Variants in DNAH3 observed in about 807,000 individuals in gnomAD.
The protein encoded by DNAH3 is axonemal beta dynein heavy chain 3.
Under a neutral mutation model 432.5 loss-of-function variants are expected in DNAH3, and 332 were observed. The ratio of observed to expected loss-of-function variants is 0.77; its 90% confidence interval spans 0.70 to 0.84. DNAH3 has a LOEUF of 0.84. Ranked by LOEUF, DNAH3 falls within the 40% of genes least tolerant of loss-of-function variation. DNAH3 has a pLI of 0.00. For missense variants in DNAH3, 4,861 were observed against 5,114.0 expected (o/e 0.95, Z 1.51); for synonymous variants, 1,956 against 1,900.2 (o/e 1.03, Z -0.76).
At chr16:21,012,023 G>A (rs2087626536) in intron 41 of DNAH3, among the ~76,000 whole-genome samples, 2 of 152,254 alleles carry the variant, frequency 1.3e-5, no homozygotes, top group South Asian at 4.2e-4. Flanking sequence ...TTAAGTGTTG[G>A]AGCCAGGATC....
At chr16:21,138,000 C>A (rs986304774) in intron 5 of DNAH3, among the ~76,000 whole-genome samples, 19 of 151,960 alleles carry the variant, frequency 1.3e-4, no homozygotes, top group African/African-American at 4.3e-4. Flanking sequence ...GTAATCCCAG[C>A]ACTTTGGGAG....
At chr16:20,955,012 A>T (rs1257198294) in exon 55 of DNAH3, 1 of 1,613,306 alleles carries the variant, frequency 6.2e-7, no homozygotes, top group Non-Finnish European at 8.5e-7. Context: ...CATTCTGGAG[A>T]ATGCTGACTG....
At chr16:21,120,764 G>C (rs201650659) in exon 11 of DNAH3, 2 of 1,613,986 alleles carry the variant, frequency 1.2e-6, no homozygotes, top group East Asian at 2.2e-5. Context: ...GCAGCCGCGT[G>C]CATGCTGGGC....
At chr16:21,109,122 C>CA (rs201303338) in intron 14 of DNAH3, among the ~76,000 whole-genome samples, 1,945 of 61,788 alleles carry the variant, frequency 0.031, 46 homozygotes, top group African/African-American at 0.078. Flanking sequence ...GACTCTGTCT[C>CA]AAAAAAAAAA....
exon 42 of DNAH3, chr16:21,003,114 G>T: frequency 1.2e-6 from 2 of 1,606,656 alleles, no homozygotes; most frequent in Non-Finnish European, 1.7e-6. Context: ...CTTTGCACCA[G>T]CTGGAACTTT....
At chr16:20,935,757 CGCTTGAA>C (rs1456626297) in intron 60 of DNAH3, among the ~76,000 whole-genome samples, 2 of 151,338 alleles carry the variant, frequency 1.3e-5, no homozygotes, top group East Asian at 3.9e-4. Context: ...GCAGGAGAAT[CGCTTGAA>C]CCCAGGAGGC....
At chr16:20,988,954 C>T (rs1012129440) in intron 44 of DNAH3, among the ~76,000 whole-genome samples, 1 of 152,120 alleles carries the variant, frequency 6.6e-6, no homozygotes, top group African/African-American at 2.4e-5. Flanking sequence ...CCGGTGGACT[C>T]GTGGTCTCGC....
At chr16:21,068,325 T>TGGGGGGG (rs10547729) in intron 23 of DNAH3, among the ~76,000 whole-genome samples, 5 of 76,634 alleles carry the variant, frequency 6.5e-5, no homozygotes, top group African/African-American at 9.1e-5. Flanking sequence ...TTTTTTTGGG[T>TGGGGGGG]GGGGGGGGGG....
At chr16:20,997,245 A>G (rs751393147) in intron 44 of DNAH3, 38 bp downstream of exon 44, 2 of 1,599,774 alleles carry the variant, frequency 1.3e-6, no homozygotes, top group South Asian at 2.3e-5. Context: ...TCTGCTGGGG[A>G]TGGAGGGAAA....
In DNAH3 at chr16:20,982,950, G is replaced by A. The variant is rs201072673; in HGVS notation, c.7666-36C>T. 1.4e-4 allele frequency: 225 copies of A among 1,590,030 alleles called. 2 individuals are homozygous for A. In the East Asian group the frequency reaches 2.2e-3, roughly 15 times the overall value. On this transcript the variant is annotated intron_variant, in intron 48 of 61. Transcript: ENST00000261383. ...GGCAGGTGGACCCAAGGAGGCAGGC[G>A]GGTATTCCCAAGGATTCTGGTGGGG...
rs746355174 is a variant in DNAH3 at position 21,027,125 on chromosome 16, C to G, written c.5442G>C (p.Leu1814=). The stretch of plus-strand genomic sequence containing the variant: ...GGATAATTTCCCCACTCATGAGACA[C>G]AGCTAAAAGTGCAAAGCAGAGGGTA... The change falls in exon 38 of 62, where the codon CTG becomes CTC. Residue 1814 remains leucine, a splice_region_variant and synonymous_variant. Transcript: ENST00000261383. 3 of 1,612,488 alleles carry G rather than the reference C, an allele frequency of 1.9e-6. No individual in the cohort carries two copies. In the Admixed American group the frequency reaches 5.0e-5, roughly 27 times the overall value.
Position 21,051,761 on chromosome 16 carries a change from G to A in DNAH3, c.4147C>T (p.Gln1383Ter). Residue 1383 changes from glutamine (Q) to a stop codon, truncating the protein, a stop_gained, in exon 29 of 62, where the codon CAG becomes TAG. Transcript: ENST00000261383. LOFTEE classifies it high-confidence loss of function. Reference sequence around the variant, plus strand: ...TACAAGGCTTCTGTGGTGATAATCTGCACCTGCACATCCTTGGCCACCCAG... The same window carrying A: ...TACAAGGCTTCTGTGGTGATAATCTACACCTGCACATCCTTGGCCACCCAG... 6.2e-7 allele frequency: 1 copy of A among 1,614,102 alleles called. No individual in the cohort carries two copies. The highest frequency in any genetic ancestry group is 1.1e-5 in the South Asian group (1 of 91,080).
intron 8 of DNAH3, among the ~76,000 whole-genome samples, chr16:21,127,251 A>G (rs1354570457): frequency 2.0e-5 from 3 of 151,896 alleles, no homozygotes; most frequent in Non-Finnish European, 4.4e-5. Context: ...GCAGCTGGAC[A>G]TGAAAAAAAG....
At chr16:21,127,150 CGAG>C (rs1188567518) in intron 8 of DNAH3, among the ~76,000 whole-genome samples, 2 of 151,650 alleles carry the variant, frequency 1.3e-5, no homozygotes, top group Non-Finnish European at 2.9e-5. Context: ...CTAAAGGATT[CGAG>C]GAGGAGGAAA....
intron 19 of DNAH3, among the ~76,000 whole-genome samples, chr16:21,086,065 T>C (rs971023662): frequency 2.0e-5 from 3 of 152,130 alleles, no homozygotes; most frequent in African/African-American, 7.2e-5. Context: ...GTCTTGAATG[T>C]GGTTCTGAGA....
exon 53 of DNAH3, chr16:20,963,653 C>A (rs1567536793): frequency 6.2e-7 from 1 of 1,614,050 alleles, no homozygotes; most frequent in Admixed American, 1.7e-5. Context: ...CATTGGGGAG[C>A]TGGATTGGGG....
intron 41 of DNAH3, among the ~76,000 whole-genome samples, chr16:21,009,911 AGGAGGGGAGG>A (rs748139772): frequency 5.9e-5 from 4 of 67,324 alleles, no homozygotes; most frequent in South Asian, 5.6e-4. Context: ...AGGAGAGGAG[AGGAGGGGAGG>A]GGAGGGGAGG....
exon 50 of DNAH3, chr16:20,979,504 C>T (rs2085756431): frequency 1.9e-6 from 3 of 1,614,138 alleles, no homozygotes; most frequent in Non-Finnish European, 2.5e-6. Flanking sequence ...CGAGTGACAG[C>T]TTCTTGACGC....
intron 5 of DNAH3, among the ~76,000 whole-genome samples, chr16:21,138,972 G>A (rs2092681970): frequency 6.6e-6 from 1 of 152,150 alleles, no homozygotes; most frequent in South Asian, 2.1e-4. Flanking sequence ...GGTCTCAAGT[G>A]GGGTCAAGTA....
Sources: allele counts gnomAD v4.1 joint callset (sites outside exome capture counted in the v4.1 genomes callset), GRCh38; gene constraint gnomAD v4.1.1; transcripts MANE v1.5; gene names NCBI Gene and HGNC (gene_info 2026-07-23, HGNC 2026-07-21).